The following LYST variants were observed in gnomAD, a reference collection of about 807,000 sequenced individuals.
The protein encoded by LYST is lysosomal trafficking regulator.
A neutral mutation model predicts 413.6 loss-of-function variants in LYST; 192 were observed. That is an observed-to-expected ratio of 0.46 (90% CI 0.41 to 0.52). LYST has a LOEUF of 0.52. Ranked by LOEUF, LYST falls within the 20% of genes least tolerant of loss-of-function variation. The pLI is 0.00. For missense variants in LYST, 3,815 were observed against 4,499.9 expected, an observed-to-expected ratio of 0.85 and a Z score of 4.35; for synonymous variants, 1,525 against 1,567.3, an observed-to-expected ratio of 0.97 and a Z score of 0.64.
chr1:235,663,861 T>C (rs1658222984), intron 52 of LYST, 123 bp downstream of exon 52: 2 of 818,258 alleles, frequency 2.4e-6, no homozygotes, highest in Admixed American at 1.8e-5. Flanking sequence ...GTGTGTTAAG[T>C]GGTTGGCTTT....
chr1:235,787,521 C>T (rs1670549882), intron 13 of LYST, 148 bp from the exon 14 acceptor site: 8 of 684,066 alleles, frequency 1.2e-5, no homozygotes, highest in South Asian at 4.9e-5. Context: ...AGTAGGTCTT[C>T]GTTTTATACC....
intron 3 of LYST, among the ~76,000 whole-genome samples, chr1:235,826,627 C>G (rs1039142145): frequency 6.6e-6 from 1 of 151,948 alleles, no homozygotes; most frequent in African/African-American, 2.4e-5. Flanking sequence ...TCTAAGGTGG[C>G]GGAAATATTC....
intron 28 of LYST, among the ~76,000 whole-genome samples, chr1:235,749,329 C>T (rs1479892512): frequency 1.3e-5 from 2 of 152,036 alleles, no homozygotes; most frequent in East Asian, 1.9e-4. Flanking sequence ...AATTAGAAAG[C>T]AACAACCGAA....
chr1:235,672,408 C>T (rs752406005), intron 50 of LYST, among the ~76,000 whole-genome samples: 1 of 151,912 alleles, frequency 6.6e-6, no homozygotes, highest in Non-Finnish European at 1.5e-5. Flanking sequence ...TGAGAAGGAC[C>T]CACCAGTGAC....
chr1:235,769,468 C>A (rs930870534), intron 20 of LYST, among the ~76,000 whole-genome samples: 3 of 151,930 alleles, frequency 2.0e-5, no homozygotes, highest in Non-Finnish European at 4.4e-5. Context: ...AGCAAAGGCG[C>A]TCAAAATATA....
intron 33 of LYST, 57 bp from the exon 34 acceptor site, chr1:235,733,748 A>G: frequency 6.6e-7 from 1 of 1,520,136 alleles, no homozygotes; most frequent in Non-Finnish European, 9.1e-7. Context: ...ATTTATCAGA[A>G]CATGATACTT....
rs1479550470 is a variant in LYST at position 235,734,575 on chromosome 1, C to T, written c.8443G>A (p.Glu2815Lys). 2 of 1,613,326 alleles carry T rather than the reference C, an allele frequency of 1.2e-6. No individual in the cohort carries two copies. Among genetic ancestry groups the T allele is most frequent in the South Asian group, 2.2e-5 (2 of 91,066 alleles). Residue 2815 changes from glutamate (E) to lysine (K), a missense_variant, in exon 32 of 53, where the codon GAA (glutamate) becomes AAA (lysine). Coordinates refer to ENST00000389793, the MANE Select transcript of LYST (RefSeq NM_000081.4). ...AACTTCAAAGCATTCATAAGCAGTT[C>T]TGCTGTGCCTAGCTCTTCTTCAGTC... is the stretch of plus-strand genomic sequence containing the variant. ...ELTEEELGTA[E>K]LLMNALKLCG...
rs375654642 is a variant in LYST at position 235,826,254 on chromosome 1, C to A, written c.192+3972G>T. On this transcript the variant is annotated intron_variant, in intron 3 of 52. Transcript: ENST00000389793. Reference sequence around the variant, plus strand: ...TTCTTACAAAATTAAACAAACATTACCCTTTGCCCACAAATTGTATGCCTA... The same window carrying A: ...TTCTTACAAAATTAAACAAACATTAACCTTTGCCCACAAATTGTATGCCTA... Among the ~76,000 whole-genome samples, 5 of 152,274 alleles carry A rather than the reference C, an allele frequency of 3.3e-5. No individual in the cohort carries two copies. In the East Asian group the frequency reaches 7.7e-4, roughly 23 times the overall value.
At chr1:235,678,144 T>G (rs1558107444) in intron 48 of LYST, among the ~76,000 whole-genome samples, 1 of 152,094 alleles carries the variant, frequency 6.6e-6, no homozygotes, top group Non-Finnish European at 1.5e-5. Flanking sequence ...TAAAGTTTTT[T>G]AAGAAGAAAT....
intron 1 of LYST, among the ~76,000 whole-genome samples, chr1:235,843,375 T>A (rs573889333): frequency 6.6e-6 from 1 of 152,146 alleles, no homozygotes; most frequent in Non-Finnish European, 1.5e-5. Context: ...AGTAGTGAAA[T>A]AGGACCCAGA....
In LYST at chr1:235,661,401, A is replaced by G. The variant is rs562601702; in HGVS notation, c.*1539T>C. The G allele has an allele frequency of 1.3e-5, 2 of 152,550 alleles. No homozygotes were observed. Among genetic ancestry groups the G allele is most frequent in the South Asian group, 4.1e-4 (2 of 4,830 alleles). 9.4% of individuals were successfully genotyped at this position (152,550 alleles called of 1,614,324 possible). A position where few individuals can be genotyped will look rare whatever the true frequency, so the allele number is the denominator to read the frequency against. ...AGCTGCAATTTTTTGTTAACAAAGC[A>G]AATCACTTCAACGTGAATAGGAGTA... On this transcript the variant is annotated 3_prime_UTR_variant, in exon 53 of 53. Transcript: ENST00000389793.
At chr1:235,840,934 C>T (rs183439330) in intron 1 of LYST, among the ~76,000 whole-genome samples, 22 of 152,294 alleles carry the variant, frequency 1.4e-4, no homozygotes, top group Non-Finnish European at 1.9e-4. Flanking sequence ...ATCAGGACAA[C>T]TCTCTGAATA....
At chr1:235,774,159 A>G (rs1287712217) in intron 18 of LYST, among the ~76,000 whole-genome samples, 168 bp from the exon 19 acceptor site, 3 of 152,248 alleles carry the variant, frequency 2.0e-5, no homozygotes, top group Non-Finnish European at 4.4e-5. Flanking sequence ...AACAATTCAG[A>G]TAAGTAGAAA....
At chr1:235,769,912 A>G (rs1157393827) in intron 20 of LYST, among the ~76,000 whole-genome samples, 1 of 152,142 alleles carries the variant, frequency 6.6e-6, no homozygotes, top group Non-Finnish European at 1.5e-5. Context: ...ACATAAAGAA[A>G]CATCTAAGAA....
intron 3 of LYST, chr1:235,829,962 T>C: frequency 3.1e-6 from 1 of 321,636 alleles, no homozygotes. Flanking sequence ...CATAGTTATC[T>C]CACTGATATT....
intron 43 of LYST, among the ~76,000 whole-genome samples, chr1:235,711,845 G>C (rs1453832262): frequency 6.6e-6 from 1 of 151,880 alleles, no homozygotes; most frequent in African/African-American, 2.4e-5. Context: ...ATAGTTAAAA[G>C]TTACAGTTTT....
Position 235,729,430 on chromosome 1 carries a change from T to G in LYST, c.9106+166A>C, listed in dbSNP as rs187296884. Among the ~76,000 whole-genome samples, 130 of 152,316 alleles carry G rather than the reference T, an allele frequency of 8.5e-4. 1 individual carries two copies. The highest frequency in any genetic ancestry group is 2.9e-3 in the African/African-American group (120 of 41,566). On this transcript the variant is annotated intron_variant, in intron 37 of 52. Coordinates refer to ENST00000389793, the MANE Select transcript of LYST (RefSeq NM_000081.4). ...AACACAAGATATCATTTCTTCACAT[T>G]CATGACTCATATGCAATTACATATA... is the stretch of plus-strand genomic sequence containing the variant.
At position 235,759,356 on chromosome 1, in the gene LYST, C is replaced by G. The variant is rs762771186; in HGVS notation, c.6497G>C (p.Ser2166Thr). ...AACAGTTTTTGCAGACTCACAGCTA[C>G]TGATGAATGCGTCCTCTTTGCCTTT... ...LKKGKEDAFISSCESAKTVCE... is the reference protein window; with the variant it reads ...LKKGKEDAFITSCESAKTVCE... The change falls in exon 23 of 53, where the codon AGT (serine) becomes ACT (threonine). Residue 2166 changes from serine to threonine, a missense_variant. Physicochemically the swap from Ser to Thr is moderately conservative, Grantham distance 58. Around this residue, in one of 4 missense-constraint regions of LYST, gnomAD observed 771 missense variants for 837.1 expected, o/e 0.92. Coordinates refer to ENST00000389793, the MANE Select transcript of LYST (RefSeq NM_000081.4). 5.6e-6 allele frequency: 9 copies of G among 1,614,208 alleles called. No homozygotes were observed. The South Asian group carries it at 9.9e-5, about 18-fold the overall frequency.
chr1:235,809,708 C>T lies in LYST; in HGVS notation c.1110G>A (p.Gln370=). The change falls in exon 5 of 53, where the codon CAG becomes CAA. Residue 370 remains glutamine (Q), a synonymous_variant. Transcript: ENST00000389793. The surrounding 1 kb of genome is among the most constrained non-coding windows in gnomAD (Gnocchi z 4.0). The stretch of plus-strand genomic sequence containing the variant: ...TTTGTCTTGGTGCAAAAGGGTCAGG[C>T]TGCTTTTCTAGGCATATTCTAATTT... The part of the protein sequence containing the change: ...ALKIRICLEK[Q]PDPFAPRQKK... 2 of 1,613,678 alleles carry T rather than the reference C, an allele frequency of 1.2e-6. No individual in the cohort carries two copies. The highest frequency in any genetic ancestry group is 2.2e-5 in the South Asian group (2 of 91,052).
Sources: allele counts gnomAD v4.1 joint callset (sites outside exome capture counted in the v4.1 genomes callset), GRCh38; gene constraint gnomAD v4.1.1; regional missense constraint gnomAD v4.1.1; non-coding constraint Gnocchi (gnomAD v3.1); transcripts MANE v1.5; gene names NCBI Gene and HGNC (gene_info 2026-07-23, HGNC 2026-07-21).